TRRAP: variants seen among roughly 807,000 people sequenced by gnomAD.
TRRAP encodes the protein transformation/transcription domain-associated protein.
In TRRAP, 41 loss-of-function variants were observed where a neutral mutation model predicts 438.8. The ratio of observed to expected loss-of-function variants is 0.09; its 90% CI spans 0.07 to 0.12. TRRAP has a LOEUF of 0.12. Among genes scored for constraint, TRRAP ranks in the 10% least tolerant of loss-of-function variants. The probability of loss-of-function intolerance (pLI) is 1.00; values close to 1 mark genes in which losing one functional copy is unlikely to be tolerated. For missense variants in TRRAP, 3,122 were observed against 5,055.1 expected (o/e 0.62, Z 11.60); for synonymous variants, 1,994 against 1,962.9 (o/e 1.02, Z -0.42).
intron 40 of TRRAP, among the ~76,000 whole-genome samples, chr7:98,953,710 G>A (rs975923198): frequency 2.6e-5 from 4 of 152,180 alleles, no homozygotes; most frequent in African/African-American, 9.7e-5. Flanking sequence ...CAAACATTCC[G>A]GAGATGATGG....
At chr7:98,978,932 G>T in intron 58 of TRRAP, 28 bp downstream of exon 58, 1 of 1,611,596 alleles carries the variant, frequency 6.2e-7, no homozygotes, top group Non-Finnish European at 8.5e-7. Flanking sequence ...CATCCCTGCC[G>T]CTGCCTGGGT....
In TRRAP at chr7:98,967,632, C is replaced by T. The variant is rs768135141; in HGVS notation, c.7446C>T (p.Leu2482=). 2.7e-5 allele frequency: 43 copies of T among 1,613,962 alleles called. No individual in the cohort carries two copies. The highest frequency in any genetic ancestry group is 3.3e-5 in the Admixed American group (2 of 59,974). Residue 2482 remains leucine (L), a synonymous_variant, in exon 51 of 73, where the codon CTC becomes CTT. Coordinates refer to ENST00000456197, the MANE Select transcript of TRRAP (RefSeq NM_001375524.1). ...AACGTCGTGTCTACGAGCGCTTGCT[C>T]TATGTGACCTGTTCGCAGAACTGGG... ...SMKRRVYERL[L]YVTCSQNWEA...
intron 69 of TRRAP, 75 bp from the exon 70 acceptor site, chr7:99,008,302 G>T (rs1180706885): frequency 2.3e-5 from 34 of 1,477,788 alleles, no homozygotes; most frequent in Admixed American, 1.8e-4. Context: ...GCTCCCAGTG[G>T]CACTCTGACG....
chr7:98,943,140 G>A, intron 31 of TRRAP, 123 bp downstream of exon 31: 1 of 944,952 alleles, frequency 1.1e-6, no homozygotes. Context: ...TGTAGTCCTT[G>A]TAAATTGTTA....
chr7:99,007,125 C>A (rs562618225), intron 69 of TRRAP, among the ~76,000 whole-genome samples: 1 of 152,214 alleles, frequency 6.6e-6, no homozygotes, highest in East Asian at 1.9e-4. Flanking sequence ...TGGGGCTAGA[C>A]GATCAGGTTG....
chr7:98,900,627 A>T lies in TRRAP; in HGVS notation c.804A>T (p.Gln268His), dbSNP rs1554406521. 6.2e-7 allele frequency: 1 copy of T among 1,609,924 alleles called. No individual in the cohort carries two copies. Among genetic ancestry groups the T allele is most frequent in the African/African-American group, 1.3e-5 (1 of 74,856 alleles). Residue 268 changes from glutamine (Q) to histidine (H), a missense_variant, in exon 11 of 73, where the codon CAA becomes CAT. Transcript: ENST00000456197. ...TTTTTGTTCTCTTCTTATTCAGGCAACATAAGCTTTACAACAAGGAGTTGT... is the reference window on the plus strand; with the variant it reads ...TTTTTGTTCTCTTCTTATTCAGGCATCATAAGCTTTACAACAAGGAGTTGT... ...IAIQVSAQAR[Q>H]HKLYNKELYA...
At chr7:98,913,145 C>A (rs550645883) in intron 18 of TRRAP, among the ~76,000 whole-genome samples, 17,728 of 151,948 alleles carry the variant, frequency 0.12, 3,199 homozygotes, top group African/African-American at 0.39. Flanking sequence ...ATCCCGTGTG[C>A]CTTGTTCACC....
chr7:98,969,886 G>C (rs923230240), intron 51 of TRRAP, among the ~76,000 whole-genome samples: 4 of 152,250 alleles, frequency 2.6e-5, no homozygotes, highest in Middle Eastern at 3.4e-3. Context: ...AGGACCTGGT[G>C]TGTGCTATGA....
At chr7:98,967,807 C>T (rs1396547003) in intron 51 of TRRAP, 109 bp downstream of exon 51, 5 of 936,244 alleles carry the variant, frequency 5.3e-6, no homozygotes, top group Non-Finnish European at 7.9e-6. Context: ...TGGAAATCTC[C>T]AGCACAAACC....
rs559430105 is a variant in TRRAP at position 98,956,587 on chromosome 7, G to A, written c.6231+54G>A. The A allele has an allele frequency of 2.7e-5, 42 of 1,576,068 alleles. No individual in the cohort carries two copies. Among genetic ancestry groups the A allele is most frequent in the African/African-American group, 6.8e-5 (5 of 73,376 alleles). On this transcript the variant is annotated intron_variant, in intron 43 of 72. Coordinates refer to ENST00000456197, the MANE Select transcript of TRRAP (RefSeq NM_001375524.1). This position sits in a 1 kb window ranked among gnomAD's most constrained non-coding sequence, Gnocchi z 4.5. ...TGCGCATTCTGCTGGGAGTTGGTTC[G>A]TTTATTCCCTATATTTAGAATGTGA...
At chr7:98,974,023 G>A (rs1393203396) in intron 53 of TRRAP, among the ~76,000 whole-genome samples, 5 of 152,316 alleles carry the variant, frequency 3.3e-5, no homozygotes, top group Non-Finnish European at 5.9e-5. Context: ...CTGAGAGCCT[G>A]CTCTGTGTCA....
intron 67 of TRRAP, among the ~76,000 whole-genome samples, chr7:98,997,354 C>CA (rs1021410633): frequency 1.3e-5 from 2 of 151,214 alleles, no homozygotes; most frequent in African/African-American, 2.4e-5. Context: ...TCCCCTTTTC[C>CA]AAAAAATCTT....
At position 98,988,921 on chromosome 7, in the gene TRRAP, C is replaced by T. The variant is rs1178434238; in HGVS notation, c.9546C>T (p.Ala3182=). ...CTGCCATCACCTGCTACCTGCACGCCTGCCGGCATCAGAACGAGAGCAAAT... is the reference window on the plus strand; with the variant it reads ...CTGCCATCACCTGCTACCTGCACGCTTGCCGGCATCAGAACGAGAGCAAAT... ...GVSAITCYLH[A]CRHQNESKSR... The change falls in exon 63 of 73, where the codon GCC becomes GCT. Residue 3182 remains alanine, a synonymous_variant. Transcript: ENST00000456197. 6 of 1,614,112 alleles carry T rather than the reference C, an allele frequency of 3.7e-6. No homozygotes were observed. Among genetic ancestry groups the T allele is most frequent in the Non-Finnish European group, 5.1e-6 (6 of 1,180,016 alleles).
chr7:99,003,677 A>G (rs1161663272), intron 67 of TRRAP, among the ~76,000 whole-genome samples: 1 of 152,074 alleles, frequency 6.6e-6, no homozygotes, highest in African/African-American at 2.4e-5. Context: ...CTTCCTCTCC[A>G]CGCGGTGGGA....
At chr7:99,003,588 C>T (rs865950011) in intron 67 of TRRAP, among the ~76,000 whole-genome samples, 2 of 152,198 alleles carry the variant, frequency 1.3e-5, no homozygotes, top group Admixed American at 6.5e-5. Flanking sequence ...CTGAGGTAGA[C>T]GTTGCCTCAA....
chr7:98,900,844 T>A (rs1796437365), intron 11 of TRRAP, 124 bp downstream of exon 11: 4 of 736,708 alleles, frequency 5.4e-6, no homozygotes, highest in Non-Finnish European at 8.6e-6. Context: ...CACATCAAAA[T>A]ACGGTACATT....
intron 43 of TRRAP, 105 bp from the exon 44 acceptor site, chr7:98,957,876 G>A: frequency 1.1e-6 from 1 of 946,986 alleles, no homozygotes; most frequent in Middle Eastern, 2.7e-4. Flanking sequence ...AGCTGCCTCT[G>A]TCCCCGGGAG....
In TRRAP at chr7:98,908,362, T is replaced by G. The variant is rs1796886069; in HGVS notation, c.1116-366T>G. On this transcript the variant is annotated intron_variant, in intron 13 of 72. Coordinates refer to ENST00000456197, the MANE Select transcript of TRRAP (RefSeq NM_001375524.1). This position sits in a 1 kb window ranked among gnomAD's most constrained non-coding sequence, Gnocchi z 4.1. The stretch of plus-strand genomic sequence containing the variant: ...AAATTCTTACTGTGTCTCTGTAAAG[T>G]GGTCATCATATATAAAGATTGATTG... Among the ~76,000 whole-genome samples the G allele has an allele frequency of 6.6e-6, 1 of 152,216 alleles. No individual in the cohort carries two copies. The highest frequency in any genetic ancestry group is 6.5e-5 in the Admixed American group (1 of 15,282).
At chr7:99,004,090 A>G in intron 67 of TRRAP, 100 bp from the exon 68 acceptor site, 1 of 1,161,920 alleles carries the variant, frequency 8.6e-7, no homozygotes, top group South Asian at 1.5e-5. Flanking sequence ...AACAAACAAA[A>G]CATGTAATTC....
Sources: gnomAD v4.1 joint callset for allele counts (sites outside exome capture counted in the v4.1 genomes callset) on GRCh38, gnomAD v4.1.1 for gene constraint, Gnocchi (gnomAD v3.1) non-coding constraint, MANE v1.5 for transcripts, NCBI Gene and HGNC (gene_info 2026-07-23, HGNC 2026-07-21) for gene names.